The following STIMATE variants were observed in gnomAD, a reference collection of about 807,000 sequenced individuals.
STIMATE encodes STIM activating enhancer, also known as store-operated calcium entry regulator STIMATE.
STIMATE carries 15 observed loss-of-function variants against 36.7 expected under a neutral mutation model. The observed-to-expected ratio is 0.41, with a 90% CI of 0.27 to 0.63. The LOEUF is 0.63. Among genes scored for constraint, STIMATE ranks in the 20% least tolerant of loss-of-function variants. The pLI is 0.32. For synonymous variants in STIMATE, 163 were observed against 162.3 expected (o/e 1.00, Z -0.03); for missense variants, 305 against 397.3 (o/e 0.77, Z 1.98).
chr3:52,847,382 AC>A, intron 4 of STIMATE: 2 of 1,260,704 alleles, frequency 1.6e-6, no homozygotes, highest in Non-Finnish European at 2.1e-6. Flanking sequence ...GGGCAGCAAG[AC>A]CCATGAAGCA....
rs781057911 is a variant in STIMATE at position 52,849,752 on chromosome 3, C to T, written c.427+40G>A. 1.1e-5 allele frequency: 17 copies of T among 1,589,748 alleles called. No homozygotes were observed. The African/African-American group carries it at 1.5e-4, about 14-fold the overall frequency. On this transcript the variant is annotated intron_variant, in intron 4 of 7. Transcript: ENST00000355083. ...TGGGGCAAGGAGCAGAGACCTCCAG[C>T]AGTTCCCTCACGCCCTGTCCGGCAT...
Position 52,836,986 on chromosome 3 carries a change from G to A in STIMATE, c.*3508C>T, listed in dbSNP as rs371549169. ...ACCAACCAACCACCAACCAACCCAG[G>A]AGCTCAAGGTGCTTGTGGCAAGTCA... On this transcript the variant is annotated 3_prime_UTR_variant, in exon 8 of 8. Coordinates refer to ENST00000355083, the MANE Select transcript of STIMATE (RefSeq NM_198563.5). 2.7e-4 allele frequency: 49 copies of A among 183,096 alleles called. No individual in the cohort carries two copies. The highest frequency in any genetic ancestry group is 1.1e-3 in the African/African-American group (48 of 42,516). The allele number at this position is 183,096 out of a possible 1,614,324, so 11.3% of individuals were successfully genotyped here.
rs1701878177 is a variant in STIMATE at position 52,897,148 on chromosome 3, G to A, written c.160+143C>T. The stretch of plus-strand genomic sequence containing the variant: ...GTGAGGGGCTCGGGCTACCCCTAGT[G>A]CAGGAATACCCAGCCTGGGTTTGCG... On this transcript the variant is annotated intron_variant, in intron 1 of 7. Coordinates refer to ENST00000355083, the MANE Select transcript of STIMATE (RefSeq NM_198563.5). 4.5e-6 allele frequency: 5 copies of A among 1,109,812 alleles called. No individual in the cohort carries two copies. In the Admixed American group the frequency reaches 8.4e-5, roughly 19 times the overall value. The allele number at this position is 1,109,812 out of a possible 1,614,324, so 68.7% of individuals were successfully genotyped here.
intron 4 of STIMATE, among the ~76,000 whole-genome samples, chr3:52,846,252 A>T (rs1700898105): frequency 6.6e-6 from 1 of 152,230 alleles, no homozygotes; most frequent in South Asian, 2.1e-4. Flanking sequence ...GATAGGAGAC[A>T]TTTGAGCCAA....
chr3:52,895,900 A>T, intron 1 of STIMATE: 1 of 1,289,836 alleles, frequency 7.8e-7, no homozygotes, highest in Non-Finnish European at 1.0e-6. Flanking sequence ...ACACACACGT[A>T]CAGTACATGC....
intron 2 of STIMATE, among the ~76,000 whole-genome samples, chr3:52,854,054 T>C (rs1701052333): frequency 6.6e-6 from 1 of 152,170 alleles, no homozygotes; most frequent in Non-Finnish European, 1.5e-5. Context: ...AATATATGCT[T>C]GATGTATATA....
intron 1 of STIMATE, among the ~76,000 whole-genome samples, chr3:52,881,559 T>C (rs1324493260): frequency 1.3e-5 from 2 of 151,824 alleles, no homozygotes. Context: ...AGAAATTAGC[T>C]GGGCGTGGTG....
chr3:52,874,565 A>T lies in STIMATE; in HGVS notation c.161-19121T>A, dbSNP rs1465850322. Among the ~76,000 whole-genome samples, 5 of 152,232 alleles carry T rather than the reference A, an allele frequency of 3.3e-5. No homozygotes were observed. The East Asian group carries it at 9.6e-4, about 29-fold the overall frequency. The stretch of plus-strand genomic sequence containing the variant: ...AGTGAGAATGTATTACTTTTGTAGT[A>T]ACAACAAAAAAGAGGCTGGTCATGG... On this transcript the variant is annotated intron_variant, in intron 1 of 7. Coordinates refer to ENST00000355083, the MANE Select transcript of STIMATE (RefSeq NM_198563.5).
intron 7 of STIMATE, among the ~76,000 whole-genome samples, chr3:52,841,531 T>C: frequency 6.6e-6 from 1 of 152,148 alleles, no homozygotes; most frequent in African/African-American, 2.4e-5. Flanking sequence ...ACCACCTAGG[T>C]TGGGATCAGG....
rs768811330 is a variant in STIMATE at position 52,842,848 on chromosome 3, T to C, written c.731A>G (p.Tyr244Cys). The change falls in exon 7 of 8, where the codon TAC (tyrosine) becomes TGC (cysteine). Residue 244 changes from tyrosine to cysteine, a missense_variant. Physicochemically the swap from Tyr to Cys is radical, Grantham distance 194 (BLOSUM62 -2). This residue lies in a region of STIMATE where 84 missense variants were observed against 82.4 expected (regional missense o/e 1.02). Transcript: ENST00000355083. ...CTCCTCGTGGGATGCGGCCCTCCGG[T>C]AGCGGACCTTGCTCCCATTCCTCGA... is the stretch of plus-strand genomic sequence containing the variant. ...QDSRNGSKVR[Y>C]RRAASHEESE... 1.9e-6 allele frequency: 3 copies of C among 1,614,204 alleles called. No individual in the cohort carries two copies. Among genetic ancestry groups the C allele is most frequent in the South Asian group, 1.1e-5 (1 of 91,090 alleles).
At chr3:52,853,233 G>A (rs1701038791) in intron 2 of STIMATE, among the ~76,000 whole-genome samples, 1 of 152,192 alleles carries the variant, frequency 6.6e-6, no homozygotes, top group Non-Finnish European at 1.5e-5. Context: ...CCTCAGCCCT[G>A]CCGCTAGAGA....
At chr3:52,840,671 C>T in intron 7 of STIMATE, 61 bp from the exon 8 acceptor site, 2 of 1,495,412 alleles carry the variant, frequency 1.3e-6, no homozygotes, top group African/African-American at 1.4e-5. Flanking sequence ...CATTTGCCCT[C>T]CCTGGACCCT....
chr3:52,871,398 GGGA>G (rs1701403795), intron 1 of STIMATE, among the ~76,000 whole-genome samples: 1 of 152,066 alleles, frequency 6.6e-6, no homozygotes, highest in African/African-American at 2.4e-5. Flanking sequence ...TCATCTGTGT[GGGA>G]GCACCTGCGG....
chr3:52,895,399 T>C (rs1420677876), intron 1 of STIMATE, among the ~76,000 whole-genome samples: 1 of 152,136 alleles, frequency 6.6e-6, no homozygotes, highest in Non-Finnish European at 1.5e-5. Context: ...AGCTCTAGCC[T>C]TTCCAGCTCT....
At chr3:52,851,483 C>A (rs1029567033) in intron 3 of STIMATE, among the ~76,000 whole-genome samples, 1 of 152,222 alleles carries the variant, frequency 6.6e-6, no homozygotes, top group East Asian at 1.9e-4. Context: ...TGCCAGAGGG[C>A]GCAGCCTGTG....
chr3:52,843,200 TG>T, intron 6 of STIMATE: 1 of 726,508 alleles, frequency 1.4e-6, no homozygotes, highest in Non-Finnish European at 2.1e-6. Flanking sequence ...GTTTTTGTTG[TG>T]GTAACTAGGG....
At chr3:52,855,817 G>A (rs987000280) in intron 1 of STIMATE, among the ~76,000 whole-genome samples, 1 of 152,202 alleles carries the variant, frequency 6.6e-6, no homozygotes, top group African/African-American at 2.4e-5. Flanking sequence ...CAACTCAAAC[G>A]TTTACTGAGT....
intron 2 of STIMATE, among the ~76,000 whole-genome samples, chr3:52,853,081 A>T (rs902812861): frequency 6.6e-6 from 1 of 152,358 alleles, no homozygotes; most frequent in African/African-American, 2.4e-5. Context: ...GCACAAATCC[A>T]GTACTGCAGC....
At chr3:52,886,426 T>C (rs1424315836) in intron 1 of STIMATE, among the ~76,000 whole-genome samples, 3 of 152,220 alleles carry the variant, frequency 2.0e-5, no homozygotes. Flanking sequence ...TCTCAGTGCC[T>C]GTTTTCCCAG....
Sources: gnomAD v4.1 joint callset for allele counts (sites outside exome capture counted in the v4.1 genomes callset) on GRCh38, gnomAD v4.1.1 for gene constraint, gnomAD v4.1.1 regional missense constraint, MANE v1.5 for transcripts, NCBI Gene and HGNC (gene_info 2026-07-23, HGNC 2026-07-21) for gene names.